The following PELI1 variants were observed in gnomAD, a reference collection of about 807,000 sequenced individuals.
The protein encoded by PELI1 is pellino E3 ubiquitin protein ligase 1.
Under a neutral mutation model 41.3 loss-of-function variants are expected in PELI1, and 15 were observed. The observed-to-expected ratio is 0.36, with a 90% CI of 0.24 to 0.56. The LOEUF is 0.56. PELI1 is among the 20% of genes least tolerant of loss of function. The pLI is 0.82. For missense variants in PELI1, 403 were observed against 525.5 expected, an observed-to-expected ratio of 0.77 and a Z score of 2.28; for synonymous variants, 178 against 180.1, an observed-to-expected ratio of 0.99 and a Z score of 0.09.
intron 1 of PELI1, among the ~76,000 whole-genome samples, chr2:64,128,152 GT>G (rs1436670509): frequency 1.3e-5 from 2 of 152,238 alleles, no homozygotes; most frequent in Admixed American, 6.5e-5. Flanking sequence ...CAGTGGTATA[GT>G]TTTAAAGCCT....
Position 64,144,302 on chromosome 2 carries a change from G to T in PELI1, c.-291C>A, listed in dbSNP as rs1682034282. The stretch of plus-strand genomic sequence containing the variant: ...TGGGGCTGCTTTGTGGTGCGCTCCC[G>T]GAGGGCTGGGGACCAATTCGACCGC... On this transcript the variant is annotated 5_prime_UTR_variant, in exon 1 of 7. Coordinates refer to ENST00000358912, the MANE Select transcript of PELI1 (RefSeq NM_020651.4). The T allele has an allele frequency of 2.0e-5, 3 of 152,236 alleles. No homozygotes were observed. Among genetic ancestry groups the T allele is most frequent in the Non-Finnish European group, 4.4e-5 (3 of 68,086 alleles). 9.4% of individuals were successfully genotyped at this position (152,236 alleles called of 1,614,324 possible). A position where few individuals can be genotyped will look rare whatever the true frequency, so the allele number is the denominator to read the frequency against.
At chr2:64,121,861 C>T (rs906002368) in intron 1 of PELI1, among the ~76,000 whole-genome samples, 2 of 149,998 alleles carry the variant, frequency 1.3e-5, no homozygotes, top group Admixed American at 6.6e-5. Context: ...GCCGAGATCA[C>T]GCCATGGCAC....
intron 1 of PELI1, among the ~76,000 whole-genome samples, chr2:64,142,569 C>G (rs1220295138): frequency 6.6e-6 from 1 of 152,108 alleles, no homozygotes; most frequent in South Asian, 2.1e-4. Context: ...AGACTTTTCC[C>G]CAGAAGAGGT....
At position 64,095,268 on chromosome 2, in the gene PELI1, C is replaced by T. The variant is rs1390487260; in HGVS notation, c.691G>A (p.Val231Met). The T allele has an allele frequency of 6.2e-7, 1 of 1,606,890 alleles. No individual in the cohort carries two copies. The highest frequency in any genetic ancestry group is 8.5e-7 in the Non-Finnish European group (1 of 1,173,968). The change falls in exon 7 of 7, where the codon GTG becomes ATG. Residue 231 changes from valine (V) to methionine (M), a missense_variant and splice_region_variant. Val to Met is a conservative substitution (Grantham distance 21, BLOSUM62 1). Transcript: ENST00000358912. ...TGTAACTGATTGGTTTCAATTTCCA[C>T]CTAGAGGAGACAAGAGTTGAAAAAC... ...TRSAQQRGKM[V>M]EIETNQLQDG...
intron 1 of PELI1, among the ~76,000 whole-genome samples, chr2:64,123,551 TA>T (rs1176626202): frequency 6.6e-6 from 1 of 152,144 alleles, no homozygotes; most frequent in African/African-American, 2.4e-5. Context: ...AATATGTACA[TA>T]AAAAGATGCT....
At position 64,094,371 on chromosome 2, in the gene PELI1, T is replaced by C. The variant is rs926739409; in HGVS notation, c.*331A>G. 70 of 206,594 alleles carry C rather than the reference T, an allele frequency of 3.4e-4. No individual in the cohort carries two copies. Among genetic ancestry groups the C allele is most frequent in the African/African-American group, 1.4e-4 (6 of 42,770 alleles). 12.8% of individuals were successfully genotyped at this position (206,594 alleles called of 1,614,324 possible). On this transcript the variant is annotated 3_prime_UTR_variant, in exon 7 of 7. Transcript: ENST00000358912. ...AAACTAACATAGTTTGAACCAACAG[T>C]ACCCTCAGTTATACAAAACAATTTC... is the stretch of plus-strand genomic sequence containing the variant.
chr2:64,127,539 A>T (rs541032932), intron 1 of PELI1, among the ~76,000 whole-genome samples: 1 of 152,258 alleles, frequency 6.6e-6, no homozygotes, highest in Admixed American at 6.5e-5. Context: ...ACTATCAGGG[A>T]GAAGAGTAAG....
rs1682042009 is a variant in PELI1 at position 64,144,383 on chromosome 2, C to CGACGGTCCCGGCGCCCCA, written c.-373_-372insTGGGGCGCCGGGACCGTC. ...CTAGTGGAGGCGGCGGCGGCGCCCC[C>CGACGGTCCCGGCGCCCCA]CGACGGTCCCTCCGCCTCACACCGC... On this transcript the variant is annotated 5_prime_UTR_variant, in exon 1 of 7. Coordinates refer to ENST00000358912, the MANE Select transcript of PELI1 (RefSeq NM_020651.4). The CGACGGTCCCGGCGCCCCA allele has an allele frequency of 2.6e-5, 4 of 152,278 alleles. No individual in the cohort carries two copies. 9.4% of individuals were successfully genotyped at this position (152,278 alleles called of 1,614,324 possible). A position where few individuals can be genotyped will look rare whatever the true frequency, so the allele number is the denominator to read the frequency against.
intron 1 of PELI1, among the ~76,000 whole-genome samples, chr2:64,115,680 A>G (rs1010485994): frequency 2.0e-5 from 3 of 152,180 alleles, no homozygotes; most frequent in African/African-American, 7.2e-5. Flanking sequence ...ATAAATGGAG[A>G]AACTGAAGCT....
intron 1 of PELI1, among the ~76,000 whole-genome samples, chr2:64,143,681 A>G (rs1681994789): frequency 6.6e-6 from 1 of 152,190 alleles, no homozygotes; most frequent in Non-Finnish European, 1.5e-5. Flanking sequence ...AGGGAGGAAA[A>G]GAAGTTATCA....
At chr2:64,137,535 A>G (rs2103745888) in intron 1 of PELI1, among the ~76,000 whole-genome samples, 1 of 152,270 alleles carries the variant, frequency 6.6e-6, no homozygotes, top group Non-Finnish European at 1.5e-5. Context: ...CCAAATTAGT[A>G]TGGTGCCTTC....
At chr2:64,097,236 G>A (rs1680268387) in intron 4 of PELI1, among the ~76,000 whole-genome samples, 1 of 152,172 alleles carries the variant, frequency 6.6e-6, no homozygotes, top group Admixed American at 6.5e-5. Context: ...GGTCATGCTT[G>A]TTTCCAGCAA....
At chr2:64,106,695 C>G (rs1680632072) in intron 2 of PELI1, among the ~76,000 whole-genome samples, 1 of 152,196 alleles carries the variant, frequency 6.6e-6, no homozygotes, top group African/African-American at 2.4e-5. Flanking sequence ...GGTTCAGTGA[C>G]TTGCCCAAGG....
chr2:64,143,767 A>G (rs1047237478), intron 1 of PELI1, among the ~76,000 whole-genome samples: 17 of 151,952 alleles, frequency 1.1e-4, no homozygotes, highest in Non-Finnish European at 2.1e-4. Context: ...CCACCCGCAG[A>G]GCTCCCCTCT....
At position 64,099,165 on chromosome 2, in the gene PELI1, T is replaced by TACACACACAC. The variant is rs70965174; in HGVS notation, c.303+1223_303+1232dup. Among the ~76,000 whole-genome samples, 1,019 of 144,882 alleles carry TACACACACAC rather than the reference T, an allele frequency of 7.0e-3. 7 individuals are homozygous for TACACACACAC. Among genetic ancestry groups the TACACACACAC allele is most frequent in the South Asian group, 0.014 (64 of 4,466 alleles). Reference sequence around the variant, plus strand: ...AGCCTGTGACCAAATATCTTGGAGATACACACACACACACACACACACACA... The same window carrying TACACACACAC: ...AGCCTGTGACCAAATATCTTGGAGATACACACACACACACACACACACACACACACACACA... On this transcript the variant is annotated intron_variant, in intron 4 of 6. Coordinates refer to ENST00000358912, the MANE Select transcript of PELI1 (RefSeq NM_020651.4).
intron 1 of PELI1, among the ~76,000 whole-genome samples, chr2:64,140,144 T>C (rs1450619861): frequency 6.6e-6 from 1 of 152,212 alleles, no homozygotes; most frequent in Non-Finnish European, 1.5e-5. Context: ...TACATATTTT[T>C]AGAATTAGCA....
At chr2:64,110,937 A>ATATG (rs1468880032) in intron 1 of PELI1, among the ~76,000 whole-genome samples, 2 of 151,224 alleles carry the variant, frequency 1.3e-5, no homozygotes, top group Non-Finnish European at 2.9e-5. Flanking sequence ...AAATATATAT[A>ATATG]TATATATGTA....
chr2:64,131,020 A>AATT (rs1300258141), intron 1 of PELI1, among the ~76,000 whole-genome samples: 7 of 152,234 alleles, frequency 4.6e-5, no homozygotes, highest in African/African-American at 1.7e-4. Flanking sequence ...TCAACACATA[A>AATT]AGACTCTGTT....
At chr2:64,139,065 A>G (rs1006200596) in intron 1 of PELI1, among the ~76,000 whole-genome samples, 2 of 152,232 alleles carry the variant, frequency 1.3e-5, no homozygotes, top group Non-Finnish European at 2.9e-5. Flanking sequence ...CTTAAAAAGT[A>G]CATTCTCACA....
Sources: gnomAD v4.1 joint callset for allele counts (sites outside exome capture counted in the v4.1 genomes callset) on GRCh38, gnomAD v4.1.1 for gene constraint, MANE v1.5 for transcripts, NCBI Gene and HGNC (gene_info 2026-07-23, HGNC 2026-07-21) for gene names.